The following IL1RAPL1 variants were observed in gnomAD, a reference collection of about 807,000 sequenced individuals.
The protein encoded by IL1RAPL1 is interleukin 1 receptor accessory protein like 1.
Under a neutral mutation model 48.4 loss-of-function variants are expected in IL1RAPL1, and 3 were observed. The ratio of observed to expected loss-of-function variants is 0.06; its 90% confidence interval spans 0.03 to 0.16. The LOEUF is 0.16. IL1RAPL1 is among the 10% of genes least tolerant of loss of function. The probability of loss-of-function intolerance (pLI) is 1.00; values close to 1 mark genes in which losing one functional copy is unlikely to be tolerated. For synonymous variants in IL1RAPL1, 185 were observed against 187.7 expected (o/e 0.99, Z 0.12); for missense variants, 349 against 530.6 (o/e 0.66, Z 3.36).
rs758487838 is a variant in IL1RAPL1, at chrX:29,339,075, TACACACACAC to T, written c.362+55887_362+55896del. ...GTTCTCCAAGCTTATGCTGGGTAAA[TACACACACAC>T]ACACACACACACACACACACACACA... On this transcript the variant is annotated intron_variant, in intron 3 of 10. Coordinates refer to ENST00000378993, the MANE Select transcript of IL1RAPL1 (RefSeq NM_014271.4). 1.0e-3 allele frequency among the ~76,000 whole-genome samples: 92 copies of T among 92,317 alleles called. No homozygotes were observed. In the South Asian group the frequency reaches 0.025, roughly 25 times the overall value. The allele number at this position is 92,317 out of a possible 115,157, so 80.2% of individuals were successfully genotyped here. A position where few individuals can be genotyped will look rare whatever the true frequency, so the allele number is the denominator to read the frequency against.
intron 5 of IL1RAPL1, among the ~76,000 whole-genome samples, chrX:29,464,613 A>G (rs1052703102): frequency 4.4e-5 from 5 of 112,374 alleles, no homozygotes; most frequent in African/African-American, 1.6e-4. Flanking sequence ...ATGTTCTGTC[A>G]TAAAGACACA....
chrX:28,867,525 G>A (rs1352953958), intron 2 of IL1RAPL1, among the ~76,000 whole-genome samples: 1 of 111,978 alleles, frequency 8.9e-6, no homozygotes, highest in Non-Finnish European at 1.9e-5. Flanking sequence ...CTGTTTAGGA[G>A]TCTCTTCTTC....
intron 2 of IL1RAPL1, among the ~76,000 whole-genome samples, chrX:29,236,472 T>C (rs1931295364): frequency 9.2e-6 from 1 of 108,622 alleles, no homozygotes; most frequent in Admixed American, 9.9e-5. Context: ...AAGCAGCAAA[T>C]ATCAAGCCGT....
chrX:28,776,660 T>C (rs1936365142), intron 1 of IL1RAPL1, among the ~76,000 whole-genome samples: 1 of 111,903 alleles, frequency 8.9e-6, no homozygotes, highest in Non-Finnish European at 1.9e-5. Context: ...ATTTAAATTA[T>C]TGTCAGTAGA....
intron 1 of IL1RAPL1, among the ~76,000 whole-genome samples, chrX:28,635,970 T>C (rs900305120): frequency 6.2e-5 from 7 of 112,210 alleles, no homozygotes; most frequent in African/African-American, 2.3e-4. Flanking sequence ...CAGGTCTCAT[T>C]ATAAGGCTTA....
chrX:28,860,753 C>T (rs571534740), intron 2 of IL1RAPL1, among the ~76,000 whole-genome samples: 14 of 111,463 alleles, frequency 1.3e-4, no homozygotes, highest in African/African-American at 4.2e-4. Context: ...TGAGCCACCG[C>T]ACTGCGCCTG....
intron 2 of IL1RAPL1, among the ~76,000 whole-genome samples, chrX:29,004,974 T>A (rs779386326): frequency 2.8e-4 from 32 of 112,527 alleles, no homozygotes; most frequent in Non-Finnish European, 6.0e-4. Flanking sequence ...TGTTGTTTAA[T>A]GGTTCCCATT....
At chrX:29,875,168 GTTC>G (rs1192428705) in intron 6 of IL1RAPL1, among the ~76,000 whole-genome samples, 1 of 111,636 alleles carries the variant, frequency 9.0e-6, no homozygotes, top group Non-Finnish European at 1.9e-5. Context: ...ATGCGAGTCA[GTTC>G]TTCTATTCCT....
At chrX:29,030,788 G>A (rs1926600538) in intron 2 of IL1RAPL1, among the ~76,000 whole-genome samples, 1 of 111,352 alleles carries the variant, frequency 9.0e-6, no homozygotes, top group South Asian at 3.7e-4. Context: ...CAGGTGTTCA[G>A]AAGAAAAGAA....
chrX:29,298,728 A>G (rs908338812), intron 3 of IL1RAPL1, among the ~76,000 whole-genome samples: 3 of 111,925 alleles, frequency 2.7e-5, no homozygotes, highest in Admixed American at 9.5e-5. Context: ...TGCTTAATCA[A>G]AGTTGGTATA....
chrX:29,491,478 T>C (rs2147753911), intron 5 of IL1RAPL1, among the ~76,000 whole-genome samples: 1 of 112,415 alleles, frequency 8.9e-6, no homozygotes, highest in Non-Finnish European at 1.9e-5. Context: ...TTATGGCTCA[T>C]TGATGAATGC....
chrX:29,384,279 GA>G (rs890186646), intron 3 of IL1RAPL1, among the ~76,000 whole-genome samples: 14 of 111,558 alleles, frequency 1.3e-4, no homozygotes, highest in Admixed American at 9.6e-4. Flanking sequence ...GGGACAAAGA[GA>G]AGAAGGAAGT....
At chrX:28,697,903 A>AG (rs775899913) in intron 1 of IL1RAPL1, among the ~76,000 whole-genome samples, 99 of 111,014 alleles carry the variant, frequency 8.9e-4, no homozygotes, top group Non-Finnish European at 1.6e-3. Context: ...AGAGTATGAC[A>AG]GGTTTCTGAC....
At chrX:28,837,495 T>C in intron 2 of IL1RAPL1, among the ~76,000 whole-genome samples, 1 of 109,724 alleles carries the variant, frequency 9.1e-6, no homozygotes, top group Middle Eastern at 4.7e-3. Context: ...AAATGATTGA[T>C]TAGAGTGTTA....
chrX:29,659,685 C>A (rs1226262033), intron 5 of IL1RAPL1, among the ~76,000 whole-genome samples: 1 of 111,644 alleles, frequency 9.0e-6, no homozygotes, highest in Non-Finnish European at 1.9e-5. Context: ...AGTGCAATGG[C>A]GCGATCTCAG....
At position 29,744,449 on chromosome X, in the gene IL1RAPL1, T is replaced by C. The variant is rs1012935360; in HGVS notation, c.778+75945T>C. ...GTCCCTATTTACAATTGTTTTTATA[T>C]TCTGGTCCACTTTGAAAGTGAACAC... is the stretch of plus-strand genomic sequence containing the variant. On this transcript the variant is annotated intron_variant, in intron 6 of 10. Coordinates refer to ENST00000378993, the MANE Select transcript of IL1RAPL1 (RefSeq NM_014271.4). 3.6e-5 allele frequency among the ~76,000 whole-genome samples: 4 copies of C among 112,510 alleles called. No individual in the cohort carries two copies. In the Admixed American group the frequency reaches 3.8e-4, roughly 11 times the overall value.
chrX:29,879,516 T>C (rs954751416), intron 6 of IL1RAPL1, among the ~76,000 whole-genome samples: 3 of 109,288 alleles, frequency 2.7e-5, no homozygotes, highest in Non-Finnish European at 3.8e-5. Flanking sequence ...AAGTAAAATT[T>C]AAAATATATC....
At chrX:29,472,832 A>G (rs1050558742) in intron 5 of IL1RAPL1, among the ~76,000 whole-genome samples, 3 of 111,976 alleles carry the variant, frequency 2.7e-5, no homozygotes, top group African/African-American at 9.8e-5. Flanking sequence ...CCTGGCGTGA[A>G]CTAAATACTT....
chrX:28,899,706 A>G (rs1923025493), intron 2 of IL1RAPL1, among the ~76,000 whole-genome samples: 2 of 111,472 alleles, frequency 1.8e-5, no homozygotes, highest in Non-Finnish European at 1.9e-5. Flanking sequence ...GAGATGAGCC[A>G]ATTGGCTACC....
Sources: gnomAD v4.1 joint callset for allele counts (sites outside exome capture counted in the v4.1 genomes callset) on GRCh38, gnomAD v4.1.1 for gene constraint, MANE v1.5 for transcripts, NCBI Gene and HGNC (gene_info 2026-07-23, HGNC 2026-07-21) for gene names.